ICA1: variants seen among roughly 807,000 people sequenced by gnomAD.
ICA1 encodes 69 kDa islet cell autoantigen.
ICA1 carries 40 observed loss-of-function variants against 71.0 expected under a neutral mutation model. The ratio of observed to expected loss-of-function variants is 0.56; its 90% CI spans 0.44 to 0.73. The LOEUF is 0.73. ICA1 is among the 30% of genes least tolerant of loss of function. The probability of loss-of-function intolerance (pLI) is 0.00; values close to 1 mark genes in which losing one functional copy is unlikely to be tolerated. For synonymous variants in ICA1, 207 were observed against 209.5 expected (o/e 0.99, Z 0.10); for missense variants, 578 against 576.5 (o/e 1.00, Z -0.03).
chr7:8,114,339 C>CG (rs1456467008), intron 13 of ICA1, among the ~76,000 whole-genome samples: 2 of 152,170 alleles, frequency 1.3e-5, no homozygotes, highest in Non-Finnish European at 2.9e-5. Flanking sequence ...ATCAAACCCT[C>CG]GGGCCCTGCC....
chr7:8,247,096 G>T (rs190534170), intron 1 of ICA1, among the ~76,000 whole-genome samples: 1 of 151,826 alleles, frequency 6.6e-6, no homozygotes, highest in Non-Finnish European at 1.5e-5. Flanking sequence ...TTATTCCCCC[G>T]TGTAGATGGG....
chr7:8,129,231 G>A (rs1370484800), intron 12 of ICA1, among the ~76,000 whole-genome samples: 1 of 151,870 alleles, frequency 6.6e-6, no homozygotes, highest in African/African-American at 2.4e-5. Context: ...AAACATTTTT[G>A]TTGTTAATTC....
At chr7:8,259,327 AG>A (rs1029429424) in intron 1 of ICA1, among the ~76,000 whole-genome samples, 5 of 152,172 alleles carry the variant, frequency 3.3e-5, no homozygotes, top group Admixed American at 3.3e-4. Context: ...TTTGAGTGAC[AG>A]GGGCTTGGAA....
chr7:8,148,961 C>T (rs1473509840), intron 8 of ICA1, among the ~76,000 whole-genome samples: 1 of 152,176 alleles, frequency 6.6e-6, no homozygotes, highest in Admixed American at 6.5e-5. Context: ...CACAAACGCT[C>T]AACTCGGGGT....
At chr7:8,245,347 G>A (rs1325698119) in intron 1 of ICA1, among the ~76,000 whole-genome samples, 4 of 149,202 alleles carry the variant, frequency 2.7e-5, no homozygotes, top group Admixed American at 6.8e-5. Flanking sequence ...ACTCATAGGT[G>A]GGAATAGAAC....
Position 8,226,908 on chromosome 7 carries a change from G to A in ICA1, c.256+1693C>T, listed in dbSNP as rs1798760414. On this transcript the variant is annotated intron_variant, in intron 4 of 13. Coordinates refer to ENST00000402384, the MANE Select transcript of ICA1 (RefSeq NM_001136020.3). The surrounding 1 kb of genome is among the most constrained non-coding windows in gnomAD (Gnocchi z 4.4). ...GAAGTTTTTCCTCTATATTCTTTTA[G>A]AAACACTAATATACGTAGGAAGCAT... Among the ~76,000 whole-genome samples the A allele has an allele frequency of 6.6e-6, 1 of 152,094 alleles. No homozygotes were observed. Among genetic ancestry groups the A allele is most frequent in the Non-Finnish European group, 1.5e-5 (1 of 68,016 alleles).
chr7:8,238,909 G>A (rs1309283452), intron 1 of ICA1, among the ~76,000 whole-genome samples: 1 of 152,142 alleles, frequency 6.6e-6, no homozygotes, highest in African/African-American at 2.4e-5. Context: ...TAGCATCTCT[G>A]AGAATGATTC....
intron 3 of ICA1, among the ~76,000 whole-genome samples, chr7:8,231,721 G>C (rs1245359329): frequency 1.3e-5 from 2 of 152,106 alleles, no homozygotes; most frequent in Non-Finnish European, 2.9e-5. Context: ...AGTTCTTCCT[G>C]GGTCTGGTCT....
intron 6 of ICA1, among the ~76,000 whole-genome samples, chr7:8,205,374 A>G (rs532532811): frequency 8.1e-4 from 124 of 152,326 alleles, no homozygotes; most frequent in African/African-American, 2.8e-3. Flanking sequence ...GTGAAACCTG[A>G]GTATGCCACA....
At chr7:8,202,969 C>A (rs17402432) in intron 6 of ICA1, among the ~76,000 whole-genome samples, 17,846 of 152,152 alleles carry the variant, frequency 0.12, 1,141 homozygotes, top group Middle Eastern at 0.16. Flanking sequence ...GTGCTCCTGG[C>A]AAATTCCTTG....
chr7:8,217,492 T>C (rs1180613820), intron 6 of ICA1, among the ~76,000 whole-genome samples: 1 of 152,200 alleles, frequency 6.6e-6, no homozygotes, highest in Non-Finnish European at 1.5e-5. Flanking sequence ...AAATGGATCA[T>C]TTGAAGTGAG....
chr7:8,228,600 C>A lies in ICA1; in HGVS notation c.256+1G>T. 1 of 1,568,282 alleles carries A rather than the reference C, an allele frequency of 6.4e-7. No individual in the cohort carries two copies. Among genetic ancestry groups the A allele is most frequent in the Non-Finnish European group, 8.7e-7 (1 of 1,149,366 alleles). ...AATATTCATACTGATGTCATACTTA[C>A]AACATATCCTCTTTTGATAGAGTAC... On this transcript the variant is annotated splice_donor_variant, in intron 4 of 13. Coordinates refer to ENST00000402384, the MANE Select transcript of ICA1 (RefSeq NM_001136020.3). LOFTEE classifies it high-confidence loss of function.
At chr7:8,133,356 G>A (rs1426705857) in intron 12 of ICA1, among the ~76,000 whole-genome samples, 1 of 152,252 alleles carries the variant, frequency 6.6e-6, no homozygotes, top group South Asian at 2.1e-4. Context: ...GTGCAGTGGT[G>A]CAACCATAGC....
intron 13 of ICA1, among the ~76,000 whole-genome samples, chr7:8,125,207 T>C (rs1382961085): frequency 1.3e-5 from 2 of 152,218 alleles, no homozygotes; most frequent in Non-Finnish European, 2.9e-5. Context: ...CTCAAGATCC[T>C]GTGATGGCTC....
chr7:8,259,640 G>GGA (rs1238788531), intron 1 of ICA1, among the ~76,000 whole-genome samples: 10 of 152,232 alleles, frequency 6.6e-5, no homozygotes, highest in Middle Eastern at 3.4e-3. Flanking sequence ...CTAAAAAGGT[G>GGA]GATATTCCTG....
rs77272207 is a variant in ICA1, at chr7:8,144,638, G to GT, written c.805-667dup. On this transcript the variant is annotated intron_variant, in intron 8 of 13. Transcript: ENST00000402384. The surrounding 1 kb of genome is among the most constrained non-coding windows in gnomAD (Gnocchi z 4.5). ...TTTTCAAGGTTAACTAAATATTTAAGTTTTTTTTTTTAAACAGCAAGTGCC... is the reference window on the plus strand; with the variant it reads ...TTTTCAAGGTTAACTAAATATTTAAGTTTTTTTTTTTTAAACAGCAAGTGCC... 0.86 allele frequency among the ~76,000 whole-genome samples: 129,146 copies of GT among 149,774 alleles called. 56,385 individuals carry two copies. The highest frequency in any genetic ancestry group is 1 in the East Asian group (5,135 of 5,154).
intron 1 of ICA1, among the ~76,000 whole-genome samples, chr7:8,242,985 G>A (rs1563171385): frequency 6.6e-6 from 1 of 152,158 alleles, no homozygotes; most frequent in Non-Finnish European, 1.5e-5. Context: ...TCTACCAGAG[G>A]TACAAAGAGG....
chr7:8,182,191 T>C (rs1584977359), intron 6 of ICA1, among the ~76,000 whole-genome samples: 1 of 152,268 alleles, frequency 6.6e-6, no homozygotes, highest in African/African-American at 2.4e-5. Context: ...AATCGTAGAA[T>C]CTCTGAGAAG....
chr7:8,153,439 G>T (rs2128176841), intron 8 of ICA1, among the ~76,000 whole-genome samples: 1 of 152,246 alleles, frequency 6.6e-6, no homozygotes, highest in South Asian at 2.1e-4. Flanking sequence ...AGGGAAAATG[G>T]TCACTGATAT....
Sources: allele counts gnomAD v4.1 joint callset (sites outside exome capture counted in the v4.1 genomes callset), GRCh38; gene constraint gnomAD v4.1.1; non-coding constraint Gnocchi (gnomAD v3.1); transcripts MANE v1.5; gene names NCBI Gene and HGNC (gene_info 2026-07-23, HGNC 2026-07-21).